The following NUAK2 variants were observed in gnomAD, a reference collection of about 807,000 sequenced individuals.
NUAK2 encodes the protein NUAK family kinase 2, also known as NUAK family SNF1-like kinase 2.
Under a neutral mutation model 29.8 loss-of-function variants are expected in NUAK2, and 20 were observed. The ratio of observed to expected loss-of-function variants is 0.67; its 90% CI spans 0.47 to 0.98. The LOEUF is 0.98. Ranked by LOEUF, NUAK2 falls within the 50% of genes least tolerant of loss-of-function variation. The probability of loss-of-function intolerance (pLI) is 0.00; values close to 1 mark genes in which losing one functional copy is unlikely to be tolerated. For missense variants in NUAK2, 719 were observed against 834.5 expected, an observed-to-expected ratio of 0.86 and a Z score of 1.71; for synonymous variants, 331 against 342.6, an observed-to-expected ratio of 0.97 and a Z score of 0.37.
chr1:205,309,846 C>G (rs1558673983), intron 2 of NUAK2, among the ~76,000 whole-genome samples: 1 of 152,208 alleles, frequency 6.6e-6, no homozygotes, highest in Non-Finnish European at 1.5e-5. Flanking sequence ...CAGAAGCAAT[C>G]AATACATATT....
At chr1:205,313,637 C>G (rs1662284547) in intron 1 of NUAK2, among the ~76,000 whole-genome samples, 1 of 151,834 alleles carries the variant, frequency 6.6e-6, no homozygotes, top group Non-Finnish European at 1.5e-5. Context: ...TCCCCCTGGG[C>G]CAGTCCCCAC....
chr1:205,304,640 C>T lies in NUAK2; in HGVS notation c.824-127G>A, dbSNP rs961470488. On this transcript the variant is annotated intron_variant, in intron 6 of 6. Transcript: ENST00000367157. The surrounding 1 kb of genome is among the most constrained non-coding windows in gnomAD (Gnocchi z 6.5). ...ACTCCTGGGTCGGATGCGTCCCTTC[C>T]AACCTAGGGCTCTATACATGCCTTG... 2.5e-6 allele frequency: 2 copies of T among 797,952 alleles called. No homozygotes were observed. Among genetic ancestry groups the T allele is most frequent in the Non-Finnish European group, 3.9e-6 (2 of 513,938 alleles). The allele number at this position is 797,952 out of a possible 1,614,324, so 49.4% of individuals were successfully genotyped here.
Position 205,308,298 on chromosome 1 carries a change from G to A in NUAK2, c.505-68C>T. ...GGGAAGATGATGAGGGGCCCAGTCT[G>A]GAGACTGAGGTAAACACAAAGGGAG... is the stretch of plus-strand genomic sequence containing the variant. On this transcript the variant is annotated intron_variant, in intron 3 of 6. Coordinates refer to ENST00000367157, the MANE Select transcript of NUAK2 (RefSeq NM_030952.3). The surrounding 1 kb of genome is among the most constrained non-coding windows in gnomAD (Gnocchi z 4.1). 1.7e-6 allele frequency: 2 copies of A among 1,205,818 alleles called. No individual in the cohort carries two copies. Among genetic ancestry groups the A allele is most frequent in the Non-Finnish European group, 2.4e-6 (2 of 845,890 alleles). The allele number at this position is 1,205,818 out of a possible 1,614,324, so 74.7% of individuals were successfully genotyped here.
chr1:205,304,108 A>G lies in NUAK2; in HGVS notation c.1229T>C (p.Ile410Thr), dbSNP rs771379151. 1.9e-6 allele frequency: 3 copies of G among 1,614,190 alleles called. No homozygotes were observed. Among genetic ancestry groups the G allele is most frequent in the South Asian group, 1.1e-5 (1 of 91,088 alleles). Residue 410 changes from isoleucine to threonine, a missense_variant, in exon 7 of 7, where the codon ATT (isoleucine) becomes ACT (threonine). This residue lies in a region of NUAK2 where 430 missense variants were observed against 465.7 expected (regional missense o/e 0.92). Coordinates refer to ENST00000367157, the MANE Select transcript of NUAK2 (RefSeq NM_030952.3). The surrounding 1 kb of genome is among the most constrained non-coding windows in gnomAD (Gnocchi z 6.5). ...GKSNLKLPKG[I>T]LKKKVSASAE... ...AGAGGCTGACACCTTCTTCTTGAGA[A>G]TGCCCTTTGGCAGCTTGAGGTTGCT...
chr1:205,304,109 T>G lies in NUAK2; in HGVS notation c.1228A>C (p.Ile410Leu). The change falls in exon 7 of 7, where the codon ATT becomes CTT. Residue 410 changes from isoleucine to leucine, a missense_variant. Coordinates refer to ENST00000367157, the MANE Select transcript of NUAK2 (RefSeq NM_030952.3). The surrounding 1 kb of genome is among the most constrained non-coding windows in gnomAD (Gnocchi z 6.5). ...GAGGCTGACACCTTCTTCTTGAGAA[T>G]GCCCTTTGGCAGCTTGAGGTTGCTC... ...GKSNLKLPKG[I>L]LKKKVSASAE... 6.2e-7 allele frequency: 1 copy of G among 1,614,210 alleles called. No individual in the cohort carries two copies. Among genetic ancestry groups the G allele is most frequent in the Non-Finnish European group, 8.5e-7 (1 of 1,180,028 alleles).
In NUAK2 at chr1:205,304,576, T is replaced by A; in HGVS notation, c.824-63A>T. 2 of 1,320,192 alleles carry A rather than the reference T, an allele frequency of 1.5e-6. No homozygotes were observed. Among genetic ancestry groups the A allele is most frequent in the Non-Finnish European group, 2.0e-6 (2 of 979,818 alleles). 81.8% of individuals were successfully genotyped at this position (1,320,192 alleles called of 1,614,324 possible). The stretch of plus-strand genomic sequence containing the variant: ...CCCAGAATAGGCACTCCCTGTCCCC[T>A]GTCCCCAGCTCATCCCCTTTTGAGC... On this transcript the variant is annotated intron_variant, in intron 6 of 6. Transcript: ENST00000367157. This position sits in a 1 kb window ranked among gnomAD's most constrained non-coding sequence, Gnocchi z 6.5.
intron 4 of NUAK2, among the ~76,000 whole-genome samples, chr1:205,307,783 G>C (rs982664457): frequency 6.6e-6 from 1 of 152,224 alleles, no homozygotes; most frequent in Non-Finnish European, 1.5e-5. Flanking sequence ...GTATGCAAGT[G>C]TGTACATACA....
intron 1 of NUAK2, among the ~76,000 whole-genome samples, chr1:205,319,713 G>A (rs960125527): frequency 6.6e-6 from 1 of 152,220 alleles, no homozygotes; most frequent in Non-Finnish European, 1.5e-5. Context: ...CCCAATAGCT[G>A]TAACCTGGCA....
rs756899863 is a variant in NUAK2, at chr1:205,304,520, G to A, written c.824-7C>T. 5 of 1,502,820 alleles carry A rather than the reference G, an allele frequency of 3.3e-6. No individual in the cohort carries two copies. In the South Asian group the frequency reaches 6.8e-5, roughly 20 times the overall value. The allele number at this position is 1,502,820 out of a possible 1,614,324, so 93.1% of individuals were successfully genotyped here. A position where few individuals can be genotyped will look rare whatever the true frequency, so the allele number is the denominator to read the frequency against. On this transcript the variant is annotated splice_region_variant and splice_polypyrimidine_tract_variant and intron_variant, in intron 6 of 6. Coordinates refer to ENST00000367157, the MANE Select transcript of NUAK2 (RefSeq NM_030952.3). The surrounding 1 kb of genome is among the most constrained non-coding windows in gnomAD (Gnocchi z 6.5). ...CGGATCAGGCCACAGGCATCTGGAA[G>A]ACAAAAGGCAGGTGCTTCAGTTTGG...
Position 205,304,366 on chromosome 1 carries a change from C to A in NUAK2, c.971G>T (p.Gly324Val), listed in dbSNP as rs1662147218. Residue 324 changes from glycine to valine, a missense_variant, in exon 7 of 7, where the codon GGC becomes GTC. Coordinates refer to ENST00000367157, the MANE Select transcript of NUAK2 (RefSeq NM_030952.3). This position sits in a 1 kb window ranked among gnomAD's most constrained non-coding sequence, Gnocchi z 6.5. Reference protein sequence around the residue: ...QEAPHEGGHPGSDSARASMAD... With the variant: ...QEAPHEGGHPVSDSARASMAD... ...CATGGAGGCGCGGGCAGAGTCACTG[C>A]CAGGGTGCCCACCCTCATGCGGAGC... 3.1e-6 allele frequency: 5 copies of A among 1,610,004 alleles called. No individual in the cohort carries two copies. The African/African-American group carries it at 6.7e-5, about 21-fold the overall frequency.
intron 1 of NUAK2, among the ~76,000 whole-genome samples, chr1:205,320,214 C>G (rs1254615103): frequency 6.6e-6 from 1 of 152,032 alleles, no homozygotes; most frequent in African/African-American, 2.4e-5. Context: ...CTGGGCTGCC[C>G]TTTCCAGAAA....
intron 2 of NUAK2, 65 bp downstream of exon 2, chr1:205,311,640 C>T (rs570404528): frequency 7.4e-5 from 117 of 1,573,358 alleles, no homozygotes; most frequent in African/African-American, 2.3e-4. Context: ...CATGTACATA[C>T]GCATGTGAAC....
intron 4 of NUAK2, among the ~76,000 whole-genome samples, chr1:205,307,766 T>C (rs772861325): frequency 6.6e-6 from 1 of 152,100 alleles, no homozygotes; most frequent in African/African-American, 2.4e-5. Flanking sequence ...AGCATGCATG[T>C]GTGTGTGTAT....
intron 1 of NUAK2, 103 bp downstream of exon 1, chr1:205,321,295 C>T: frequency 9.6e-7 from 1 of 1,038,740 alleles, no homozygotes; most frequent in Non-Finnish European, 1.4e-6. Context: ...ACCACGCTGG[C>T]CTCTCCGCCG....
chr1:205,313,068 A>C (rs1362439788), intron 1 of NUAK2, among the ~76,000 whole-genome samples: 1 of 152,098 alleles, frequency 6.6e-6, no homozygotes, highest in Non-Finnish European at 1.5e-5. Flanking sequence ...GGACTGGGGG[A>C]GGGGAAATGG....
intron 2 of NUAK2, among the ~76,000 whole-genome samples, chr1:205,311,490 C>T (rs960495258): frequency 6.6e-6 from 1 of 152,174 alleles, no homozygotes; most frequent in African/African-American, 2.4e-5. Flanking sequence ...GGGATTACCC[C>T]ATTTTATAAA....
rs1249738242 is a variant in NUAK2 at position 205,321,665 on chromosome 1, A to G, written c.-37T>C. ...GGTGAGCAAGGGCGGCAGGGGAATC[A>G]GTAGGCTGTGCGGGGAGGGCTGAAG... On this transcript the variant is annotated 5_prime_UTR_variant, in exon 1 of 7. Transcript: ENST00000367157. The G allele has an allele frequency of 1.9e-5, 30 of 1,570,094 alleles. No individual in the cohort carries two copies. The highest frequency in any genetic ancestry group is 2.6e-5 in the Non-Finnish European group (30 of 1,157,084).
Position 205,308,099 on chromosome 1 carries a change from G to T in NUAK2, c.570+66C>A. ...TCCACCAAGAGCTTAGAGCTACTTGGCTGGGGACAGTGCAGAAAAGCTGGG... is the reference window on the plus strand; with the variant it reads ...TCCACCAAGAGCTTAGAGCTACTTGTCTGGGGACAGTGCAGAAAAGCTGGG... On this transcript the variant is annotated intron_variant, in intron 4 of 6. Coordinates refer to ENST00000367157, the MANE Select transcript of NUAK2 (RefSeq NM_030952.3). The surrounding 1 kb of genome is among the most constrained non-coding windows in gnomAD (Gnocchi z 4.1). 5 of 1,067,436 alleles carry T rather than the reference G, an allele frequency of 4.7e-6. No homozygotes were observed. The highest frequency in any genetic ancestry group is 7.2e-6 in the Non-Finnish European group (5 of 692,856). The allele number at this position is 1,067,436 out of a possible 1,614,324, so 66.1% of individuals were successfully genotyped here. A position where few individuals can be genotyped will look rare whatever the true frequency, so the allele number is the denominator to read the frequency against.
In NUAK2 at chr1:205,321,588, G is replaced by C. The variant is rs573384120; in HGVS notation, c.41C>G (p.Pro14Arg). 1 of 1,612,814 alleles carries C rather than the reference G, an allele frequency of 6.2e-7. No individual in the cohort carries two copies. The highest frequency in any genetic ancestry group is 1.3e-5 in the African/African-American group (1 of 75,054). Residue 14 changes from proline (P) to arginine (R), a missense_variant, in exon 1 of 7, where the codon CCC (proline) becomes CGC (arginine). By Grantham distance (103) the Pro-to-Arg change is moderately radical. Around this residue, in one of 3 missense-constraint regions of NUAK2, gnomAD observed 283 missense variants for 345.6 expected, o/e 0.82. Coordinates refer to ENST00000367157, the MANE Select transcript of NUAK2 (RefSeq NM_030952.3). Reference sequence around the variant, plus strand: ...CGGCCGGGCTAGCTCTGCGGCCGAGGGAGTGGGGCCGGAGCGCCGCGCGAA... The same window carrying C: ...CGGCCGGGCTAGCTCTGCGGCCGAGCGAGTGGGGCCGGAGCGCCGCGCGAA... Reference protein sequence around the residue: ...LVFARRSGPTPSAAELARPLA... With the variant: ...LVFARRSGPTRSAAELARPLA...
Sources: allele counts gnomAD v4.1 joint callset (sites outside exome capture counted in the v4.1 genomes callset), GRCh38; gene constraint gnomAD v4.1.1; regional missense constraint gnomAD v4.1.1; non-coding constraint Gnocchi (gnomAD v3.1); transcripts MANE v1.5; gene names NCBI Gene and HGNC (gene_info 2026-07-23, HGNC 2026-07-21).